RFX3: variants seen among roughly 807,000 people sequenced by gnomAD.
RFX3 encodes the protein regulatory factor X3, also known as transcription factor RFX3.
In RFX3, 14 loss-of-function variants were observed where a neutral mutation model predicts 98.6. The observed-to-expected ratio is 0.14, with a 90% CI of 0.09 to 0.22. The LOEUF is 0.22. Among genes scored for constraint, RFX3 ranks in the 10% least tolerant of loss-of-function variants. RFX3 has a pLI of 1.00. For missense variants in RFX3, 639 were observed against 926.9 expected, an observed-to-expected ratio of 0.69 and a Z score of 4.03; for synonymous variants, 383 against 328.4, an observed-to-expected ratio of 1.17 and a Z score of -1.80.
At position 3,378,814 on chromosome 9, in the gene RFX3, C is replaced by T. The variant is rs1032502623; in HGVS notation, c.117+16658G>A. On this transcript the variant is annotated intron_variant, in intron 2 of 16. Coordinates refer to ENST00000617270, the MANE Select transcript of RFX3 (RefSeq NM_001282116.2). ...CAGGTGGTCCGTCTTCCTCAGCCTC[C>T]CAAAGTGCTGGGATTACAGGCGTGA... Among the ~76,000 whole-genome samples, 13 of 152,160 alleles carry T rather than the reference C, an allele frequency of 8.5e-5. No individual in the cohort carries two copies. The South Asian group carries it at 1.0e-3, about 12-fold the overall frequency.
intron 1 of RFX3, among the ~76,000 whole-genome samples, chr9:3,518,530 G>C (rs1179205192): frequency 1.3e-5 from 2 of 152,080 alleles, no homozygotes; most frequent in African/African-American, 2.4e-5. Flanking sequence ...TATAGTATCA[G>C]GTAAATTCTC....
intron 6 of RFX3, among the ~76,000 whole-genome samples, chr9:3,290,455 G>A (rs1223564907): frequency 1.3e-5 from 2 of 152,102 alleles, no homozygotes; most frequent in African/African-American, 4.8e-5. Flanking sequence ...CAACAATACA[G>A]CTATTAGAAT....
chr9:3,257,062 C>T lies in RFX3; in HGVS notation c.1743G>A (p.Leu581=), dbSNP rs753098329. ...AWLDNVMMQA[L]KPYEGRPSFP... Reference sequence around the variant, plus strand: ...AACTGGGTCTTCCTTCATAGGGTTTCAGTGCTTGCATCATCACATTGTCAA... The same window carrying T: ...AACTGGGTCTTCCTTCATAGGGTTTTAGTGCTTGCATCATCACATTGTCAA... Residue 581 remains leucine, a synonymous_variant, in exon 14 of 17, where the codon CTG becomes CTA. Coordinates refer to ENST00000617270, the MANE Select transcript of RFX3 (RefSeq NM_001282116.2). 6.2e-6 allele frequency: 10 copies of T among 1,613,928 alleles called. No individual in the cohort carries two copies. The highest frequency in any genetic ancestry group is 7.6e-6 in the Non-Finnish European group (9 of 1,180,002).
At chr9:3,410,161 C>CTGTGTGTGTGTGTGTG (rs555349379) in intron 1 of RFX3, among the ~76,000 whole-genome samples, 4,577 of 114,014 alleles carry the variant, frequency 0.04, 231 homozygotes, top group East Asian at 0.085. Context: ...GTGAGATAAA[C>CTGTGTGTGTGTGTGTG]TGTGTGTGTG....
At position 3,257,026 on chromosome 9, in the gene RFX3, G is replaced by A. The variant is rs145551511; in HGVS notation, c.1779C>T (p.Ala593=). 389 of 1,614,010 alleles carry A rather than the reference G, an allele frequency of 2.4e-4. 4 individuals are homozygous for A. The Admixed American group carries it at 4.5e-3, about 19-fold the overall frequency. ...ACCATTTTAGCAGAAACTGCCTGGC[G>A]GCTTTAGGAAAACTGGGTCTTCCTT... is the stretch of plus-strand genomic sequence containing the variant. ...PYEGRPSFPK[A]ARQFLLKWSF... Residue 593 remains alanine, a synonymous_variant, in exon 14 of 17, where the codon GCC becomes GCT. Transcript: ENST00000617270.
intron 1 of RFX3, among the ~76,000 whole-genome samples, chr9:3,495,869 TATTACCTTCTAATTA>T (rs1851075688): frequency 6.6e-6 from 1 of 152,088 alleles, no homozygotes; most frequent in South Asian, 2.1e-4. Context: ...CTTTTAAACA[TATTACCTTCTAATTA>T]AATTAAATGC....
chr9:3,472,598 C>T (rs1848869504), intron 1 of RFX3, among the ~76,000 whole-genome samples: 1 of 152,126 alleles, frequency 6.6e-6, no homozygotes, highest in Non-Finnish European at 1.5e-5. Flanking sequence ...TTATACTATA[C>T]AAAAGATACG....
At chr9:3,271,276 GAA>G (rs553071510) in intron 9 of RFX3, among the ~76,000 whole-genome samples, 158 bp from the exon 10 acceptor site, 2 of 134,720 alleles carry the variant, frequency 1.5e-5, no homozygotes, top group East Asian at 2.1e-4. Flanking sequence ...GGAAGTGGAA[GAA>G]AAAAAAAAAA....
At chr9:3,233,724 C>T (rs529746596) in intron 15 of RFX3, among the ~76,000 whole-genome samples, 1 of 152,322 alleles carries the variant, frequency 6.6e-6, no homozygotes, top group East Asian at 1.9e-4. Context: ...TTTGTAAGCA[C>T]AGCCATCGCT....
intron 1 of RFX3, among the ~76,000 whole-genome samples, chr9:3,482,578 T>C (rs906908628): frequency 1.3e-5 from 2 of 152,250 alleles, no homozygotes; most frequent in Admixed American, 1.3e-4. Context: ...TGAATGTTAA[T>C]TACGTTTAAT....
At chr9:3,231,861 C>T (rs1007680066) in intron 15 of RFX3, among the ~76,000 whole-genome samples, 2 of 151,876 alleles carry the variant, frequency 1.3e-5, no homozygotes, top group Non-Finnish European at 2.9e-5. Flanking sequence ...GTCAGGAGTT[C>T]GAGATCAGCC....
rs564063837 is a variant in RFX3, at chr9:3,274,464, G to A, written c.1086+1036C>T. ...TACTATAATCCATTATCCCCTTTTTGCCAGGTGAGCTGTGGTACATTAATG... is the reference window on the plus strand; with the variant it reads ...TACTATAATCCATTATCCCCTTTTTACCAGGTGAGCTGTGGTACATTAATG... On this transcript the variant is annotated intron_variant, in intron 9 of 16. Coordinates refer to ENST00000617270, the MANE Select transcript of RFX3 (RefSeq NM_001282116.2). 2.0e-5 allele frequency among the ~76,000 whole-genome samples: 3 copies of A among 151,794 alleles called. No homozygotes were observed. The East Asian group carries it at 5.8e-4, about 29-fold the overall frequency.
chr9:3,231,196 G>A (rs188683079), intron 15 of RFX3, among the ~76,000 whole-genome samples: 14 of 152,234 alleles, frequency 9.2e-5, no homozygotes, highest in Admixed American at 5.2e-4. Context: ...CAACGACAAA[G>A]TTTCACATGT....
chr9:3,329,568 T>C (rs541832537), intron 4 of RFX3, among the ~76,000 whole-genome samples: 10 of 152,268 alleles, frequency 6.6e-5, no homozygotes, highest in Admixed American at 1.3e-4. Context: ...TCACCTATAG[T>C]AATGCTTTCT....
intron 1 of RFX3, among the ~76,000 whole-genome samples, chr9:3,497,583 T>C (rs1851203726): frequency 1.3e-5 from 2 of 151,880 alleles, no homozygotes; most frequent in African/African-American, 4.8e-5. Context: ...GGAACTAGTA[T>C]GATATCAGAT....
chr9:3,250,893 T>C (rs534730140), intron 14 of RFX3, among the ~76,000 whole-genome samples: 11 of 152,240 alleles, frequency 7.2e-5, no homozygotes, highest in South Asian at 2.1e-4. Context: ...CCCAAGTGAA[T>C]TGGAATATCT....
chr9:3,497,007 G>C (rs1166211207), intron 1 of RFX3, among the ~76,000 whole-genome samples: 7 of 151,952 alleles, frequency 4.6e-5, no homozygotes, highest in Admixed American at 4.6e-4. Context: ...CTACATTCAA[G>C]ATTAGTTGCA....
intron 1 of RFX3, among the ~76,000 whole-genome samples, chr9:3,435,434 T>C (rs1409843230): frequency 1.3e-5 from 2 of 151,942 alleles, no homozygotes; most frequent in East Asian, 3.9e-4. Context: ...GACACAAACA[T>C]ACACATTAAC....
chr9:3,493,254 T>C (rs1850851403), intron 1 of RFX3, among the ~76,000 whole-genome samples: 1 of 152,146 alleles, frequency 6.6e-6, no homozygotes. Flanking sequence ...CCAAGTTCTG[T>C]ACCATATGCT....
Sources: allele counts gnomAD v4.1 joint callset (sites outside exome capture counted in the v4.1 genomes callset), GRCh38; gene constraint gnomAD v4.1.1; transcripts MANE v1.5; gene names NCBI Gene and HGNC (gene_info 2026-07-23, HGNC 2026-07-21).